The following ANKRD55 variants were observed in gnomAD, a reference collection of about 807,000 sequenced individuals.
ANKRD55 encodes the protein ankyrin repeat domain-containing protein 55.
A neutral mutation model predicts 60.6 loss-of-function variants in ANKRD55; 41 were observed. That is an observed-to-expected ratio of 0.68 (90% confidence interval 0.53 to 0.88). The LOEUF (loss-of-function observed/expected upper bound fraction) is 0.88. Among genes scored for constraint, ANKRD55 ranks in the 40% least tolerant of loss-of-function variants. ANKRD55 has a pLI of 0.00. For synonymous variants in ANKRD55, 264 were observed against 290.3 expected, an observed-to-expected ratio of 0.91 and a Z score of 0.92; for missense variants, 732 against 767.6, an observed-to-expected ratio of 0.95 and a Z score of 0.55.
chr5:56,144,020 A>T, intron 6 of ANKRD55, 91 bp from the exon 7 acceptor site: 1 of 1,543,214 alleles, frequency 6.5e-7, no homozygotes, highest in Non-Finnish European at 8.9e-7. Context: ...CCTGGGGGCC[A>T]TCACCAGATG....
At chr5:56,154,596 T>TA (rs1283455585) in intron 6 of ANKRD55, among the ~76,000 whole-genome samples, 3 of 150,972 alleles carry the variant, frequency 2.0e-5, no homozygotes, top group African/African-American at 7.3e-5. Flanking sequence ...TTTTTTTTTT[T>TA]TTTTTTGAGA....
In ANKRD55 at chr5:56,128,076, C is replaced by T. The variant is rs142212709; in HGVS notation, c.613-970G>A. Among the ~76,000 whole-genome samples, 54 of 152,280 alleles carry T rather than the reference C, an allele frequency of 3.5e-4. No homozygotes were observed. The East Asian group carries it at 7.7e-3, about 22-fold the overall frequency. On this transcript the variant is annotated intron_variant, in intron 7 of 11. Transcript: ENST00000341048. ...TTTGTTTCACTTCATGCTAGTTAGA[C>T]ATACATCGAAGGAGTCTGAAATACA...
chr5:56,159,371 G>C (rs762859142), intron 6 of ANKRD55, among the ~76,000 whole-genome samples: 1 of 152,062 alleles, frequency 6.6e-6, no homozygotes, highest in Non-Finnish European at 1.5e-5. Context: ...TGAGGCAGGA[G>C]AATCACTTGA....
At chr5:56,175,026 T>C (rs1318198679) in intron 4 of ANKRD55, among the ~76,000 whole-genome samples, 1 of 152,114 alleles carries the variant, frequency 6.6e-6, no homozygotes, top group Non-Finnish European at 1.5e-5. Context: ...GCATTTGCAT[T>C]TGAAACAAGC....
intron 7 of ANKRD55, among the ~76,000 whole-genome samples, chr5:56,141,272 A>T (rs1177770002): frequency 6.9e-6 from 1 of 144,134 alleles, no homozygotes; most frequent in Non-Finnish European, 1.6e-5. Context: ...GCCAATACAA[A>T]TATTTTTTTT....
chr5:56,160,269 C>A (rs996231444), intron 5 of ANKRD55, among the ~76,000 whole-genome samples: 1 of 152,186 alleles, frequency 6.6e-6, no homozygotes, highest in Non-Finnish European at 1.5e-5. Flanking sequence ...GATGGAGTCT[C>A]GCTCTGTTGC....
intron 10 of ANKRD55, among the ~76,000 whole-genome samples, chr5:56,106,707 C>T (rs1015901866): frequency 6.6e-6 from 1 of 152,090 alleles, no homozygotes; most frequent in Admixed American, 6.6e-5. Context: ...GCTGGGATTA[C>T]AGGCATGAGC....
intron 2 of ANKRD55, among the ~76,000 whole-genome samples, chr5:56,225,870 G>A (rs975829801): frequency 2.0e-5 from 3 of 152,150 alleles, no homozygotes; most frequent in Non-Finnish European, 2.9e-5. Flanking sequence ...CCATGCTCAT[G>A]GATAGGAAGA....
chr5:56,190,331 T>C (rs1288845328), intron 2 of ANKRD55, among the ~76,000 whole-genome samples: 1 of 152,222 alleles, frequency 6.6e-6, no homozygotes, highest in Non-Finnish European at 1.5e-5. Flanking sequence ...AATTTTGATG[T>C]AGTCTAATTT....
chr5:56,175,723 C>T (rs941335736), intron 4 of ANKRD55, among the ~76,000 whole-genome samples: 1 of 152,058 alleles, frequency 6.6e-6, no homozygotes, highest in African/African-American at 2.4e-5. Context: ...CCCCAGTTCT[C>T]GTTGTTCTCC....
intron 5 of ANKRD55, among the ~76,000 whole-genome samples, chr5:56,164,717 G>T (rs1758410183): frequency 6.6e-6 from 1 of 152,162 alleles, no homozygotes; most frequent in South Asian, 2.1e-4. Context: ...AGCGCCCTCT[G>T]AATGTCCCAG....
intron 2 of ANKRD55, among the ~76,000 whole-genome samples, chr5:56,213,395 G>A (rs902630397): frequency 6.6e-6 from 1 of 152,050 alleles, no homozygotes; most frequent in Admixed American, 6.6e-5. Context: ...GAAGGTAGGA[G>A]CGGGGATGGA....
intron 6 of ANKRD55, among the ~76,000 whole-genome samples, chr5:56,150,678 A>T (rs1193821521): frequency 6.6e-6 from 1 of 152,166 alleles, no homozygotes; most frequent in Non-Finnish European, 1.5e-5. Flanking sequence ...TGGATGAATC[A>T]TTTGAGGTCA....
chr5:56,232,745 A>AACACACACACACAC lies in ANKRD55; in HGVS notation c.58+97_58+110dup, dbSNP rs142447793. 3 of 870,944 alleles carry AACACACACACACAC rather than the reference A, an allele frequency of 3.4e-6. No homozygotes were observed. The South Asian group carries it at 4.9e-5, about 14-fold the overall frequency. The allele number at this position is 870,944 out of a possible 1,614,324, so 54.0% of individuals were successfully genotyped here. ...ATACTCATGCACACCCACGCACATG[A>AACACACACACACAC]ACACACACACACACACACACACACT... On this transcript the variant is annotated intron_variant, in intron 2 of 11. Transcript: ENST00000341048.
At chr5:56,142,622 C>T (rs1481940144) in intron 7 of ANKRD55, among the ~76,000 whole-genome samples, 1 of 152,202 alleles carries the variant, frequency 6.6e-6, no homozygotes, top group African/African-American at 2.4e-5. Context: ...GCTTCTGGTG[C>T]CACTTTCATC....
chr5:56,221,166 C>T (rs971746729), intron 2 of ANKRD55, among the ~76,000 whole-genome samples: 1 of 152,208 alleles, frequency 6.6e-6, no homozygotes, highest in Non-Finnish European at 1.5e-5. Flanking sequence ...TTTCCCATCT[C>T]CTATGCTTGC....
chr5:56,140,022 T>C (rs1757715364), intron 7 of ANKRD55, among the ~76,000 whole-genome samples: 1 of 152,230 alleles, frequency 6.6e-6, no homozygotes. Context: ...CTAGTAGGCC[T>C]ACTGTTTCCA....
rs532023306 is a variant in ANKRD55, at chr5:56,129,842, T to C, written c.613-2736A>G. Among the ~76,000 whole-genome samples the C allele has an allele frequency of 7.9e-5, 12 of 152,336 alleles. 1 individual carries two copies. Among genetic ancestry groups the C allele is most frequent in the Admixed American group, 4.6e-4 (7 of 15,304 alleles). On this transcript the variant is annotated intron_variant, in intron 7 of 11. Transcript: ENST00000341048. ...AAGCAGAGGCCAGTGCTTTAGCCTC[T>C]GTGTTGCAGCCGCTTATCCCTCCTA...
At chr5:56,116,383 G>A (rs920943068) in intron 9 of ANKRD55, among the ~76,000 whole-genome samples, 2 of 152,122 alleles carry the variant, frequency 1.3e-5, no homozygotes, top group African/African-American at 4.8e-5. Flanking sequence ...TAGGCTGATG[G>A]ATTTGGATTC....
Sources: allele counts gnomAD v4.1 joint callset (sites outside exome capture counted in the v4.1 genomes callset), GRCh38; gene constraint gnomAD v4.1.1; transcripts MANE v1.5; gene names NCBI Gene and HGNC (gene_info 2026-07-23, HGNC 2026-07-21).